The following PCSK5 variants were observed in gnomAD, a reference collection of about 807,000 sequenced individuals.
PCSK5 encodes proprotein convertase subtilisin/kexin type 5, also known as prohormone convertase 5.
In PCSK5, 129 loss-of-function variants were observed where a neutral mutation model predicts 233.2. The observed-to-expected ratio is 0.55, with a 90% confidence interval of 0.48 to 0.64. The LOEUF (loss-of-function observed/expected upper bound fraction) is 0.64. Ranked by LOEUF, PCSK5 falls within the 30% of genes least tolerant of loss-of-function variation. The pLI is 0.00. For synonymous variants in PCSK5, 825 were observed against 879.2 expected (o/e 0.94, Z 1.09); for missense variants, 2,076 against 2,430.1 (o/e 0.85, Z 3.06).
In PCSK5 at chr9:76,027,167, G is replaced by A. The variant is rs186336402; in HGVS notation, c.632+130G>A. ...TGCTAATTTGCTCCAAGATTAACAA[G>A]TGTCTTTCCACTGAAGCCTCTGAGT... On this transcript the variant is annotated intron_variant, in intron 5 of 37. Coordinates refer to ENST00000674117, the MANE Select transcript of PCSK5 (RefSeq NM_001372043.1). 58 of 595,262 alleles carry A rather than the reference G, an allele frequency of 9.7e-5. No homozygotes were observed. In the Admixed American group the frequency reaches 1.6e-3, roughly 16 times the overall value. 36.9% of individuals were successfully genotyped at this position (595,262 alleles called of 1,614,324 possible).
chr9:76,083,413 C>T (rs951356730), intron 7 of PCSK5, among the ~76,000 whole-genome samples: 4 of 152,142 alleles, frequency 2.6e-5, no homozygotes, highest in African/African-American at 4.8e-5. Flanking sequence ...TGAGTTTCTT[C>T]GGCTTTAGTA....
chr9:75,961,561 AC>A (rs778021829), intron 2 of PCSK5, among the ~76,000 whole-genome samples: 5 of 151,634 alleles, frequency 3.3e-5, no homozygotes, highest in Non-Finnish European at 5.9e-5. Context: ...TACAACTGAC[AC>A]TTGACTTATT....
chr9:76,007,968 C>G (rs1441270494), intron 3 of PCSK5, among the ~76,000 whole-genome samples: 2 of 151,968 alleles, frequency 1.3e-5, no homozygotes, highest in Admixed American at 6.6e-5. Flanking sequence ...TCAACGGGTT[C>G]CCCTTCTAAT....
intron 25 of PCSK5, among the ~76,000 whole-genome samples, chr9:76,294,378 G>T (rs897417541): frequency 6.6e-6 from 1 of 152,144 alleles, no homozygotes; most frequent in South Asian, 2.1e-4. Flanking sequence ...AACAGATAAC[G>T]TACATAAAAA....
At chr9:75,928,503 T>G (rs1476703523) in intron 1 of PCSK5, among the ~76,000 whole-genome samples, 1 of 150,488 alleles carries the variant, frequency 6.6e-6, no homozygotes, top group Non-Finnish European at 1.5e-5. Flanking sequence ...AGCATGTTGG[T>G]GCTTGTTGAA....
intron 30 of PCSK5, among the ~76,000 whole-genome samples, chr9:76,318,944 C>T (rs903826312): frequency 4.1e-4 from 63 of 152,194 alleles, no homozygotes; most frequent in African/African-American, 1.5e-3. Flanking sequence ...CTAAACTATA[C>T]ACAAATTAAC....
intron 10 of PCSK5, among the ~76,000 whole-genome samples, chr9:76,152,352 A>G (rs1445384685): frequency 6.6e-6 from 1 of 152,192 alleles, no homozygotes; most frequent in Non-Finnish European, 1.5e-5. Flanking sequence ...CTGGGCTTTT[A>G]CATTAAATAC....
intron 33 of PCSK5, among the ~76,000 whole-genome samples, chr9:76,330,164 G>T (rs112036595): frequency 2.0e-5 from 3 of 152,256 alleles, no homozygotes; most frequent in African/African-American, 7.2e-5. Flanking sequence ...ATTTAGCATG[G>T]TTGATTAAGA....
chr9:76,295,611 C>A (rs1001065941), intron 26 of PCSK5, among the ~76,000 whole-genome samples, 200 bp downstream of exon 26: 48 of 152,152 alleles, frequency 3.2e-4, no homozygotes, highest in African/African-American at 1.1e-3. Flanking sequence ...AAGCATGGTT[C>A]CTGTTCCACT....
intron 11 of PCSK5, among the ~76,000 whole-genome samples, chr9:76,158,425 G>A (rs1822700545): frequency 6.6e-6 from 1 of 152,172 alleles, no homozygotes; most frequent in African/African-American, 2.4e-5. Context: ...TGCCATTGTG[G>A]CTGCAGCCTA....
intron 24 of PCSK5, among the ~76,000 whole-genome samples, chr9:76,253,689 G>A (rs775068739): frequency 1.3e-5 from 2 of 152,176 alleles, no homozygotes; most frequent in Non-Finnish European, 2.9e-5. Context: ...CAGGCTACAC[G>A]CTTAATGTAC....
At chr9:75,929,373 G>A (rs145437148) in intron 1 of PCSK5, among the ~76,000 whole-genome samples, 4 of 152,318 alleles carry the variant, frequency 2.6e-5, no homozygotes, top group African/African-American at 7.2e-5. Context: ...GGCTGATGGG[G>A]ACACAGGCAT....
intron 24 of PCSK5, among the ~76,000 whole-genome samples, chr9:76,263,948 A>C (rs1309477864): frequency 2.6e-5 from 4 of 152,154 alleles, no homozygotes; most frequent in Non-Finnish European, 5.9e-5. Flanking sequence ...CAGAAGTAGC[A>C]GAAACTATTC....
intron 12 of PCSK5, among the ~76,000 whole-genome samples, chr9:76,166,768 A>G (rs189120474): frequency 6.6e-6 from 1 of 152,302 alleles, no homozygotes; most frequent in Admixed American, 6.5e-5. Flanking sequence ...TGTGGGACTT[A>G]AGGAAGGAAG....
chr9:76,146,044 T>C (rs1213984486), intron 10 of PCSK5, among the ~76,000 whole-genome samples: 1 of 152,148 alleles, frequency 6.6e-6, no homozygotes, highest in African/African-American at 2.4e-5. Context: ...TTTTTTTTTT[T>C]CTTAGAATCT....
intron 15 of PCSK5, among the ~76,000 whole-genome samples, chr9:76,180,600 C>G (rs980316825): frequency 6.6e-6 from 1 of 151,940 alleles, no homozygotes; most frequent in Admixed American, 6.6e-5. Flanking sequence ...CTCCCCTTGT[C>G]TCCCACAGCC....
At chr9:76,049,390 A>G (rs1052532257) in intron 5 of PCSK5, among the ~76,000 whole-genome samples, 1 of 152,268 alleles carries the variant, frequency 6.6e-6, no homozygotes, top group Admixed American at 6.5e-5. Context: ...TAATGTTGAT[A>G]GTCTCCCAAT....
At chr9:76,016,511 A>G (rs966881931) in intron 3 of PCSK5, among the ~76,000 whole-genome samples, 9 of 152,214 alleles carry the variant, frequency 5.9e-5, no homozygotes, top group Admixed American at 1.3e-4. Flanking sequence ...AGAGAGTTAT[A>G]CATATAAAAG....
intron 14 of PCSK5, among the ~76,000 whole-genome samples, chr9:76,178,611 A>G (rs555208718): frequency 1.3e-5 from 2 of 152,328 alleles, no homozygotes; most frequent in South Asian, 4.2e-4. Context: ...TAATGACTCA[A>G]AGAAACCAAG....
Sources: allele counts gnomAD v4.1 joint callset (sites outside exome capture counted in the v4.1 genomes callset), GRCh38; gene constraint gnomAD v4.1.1; transcripts MANE v1.5; gene names NCBI Gene and HGNC (gene_info 2026-07-23, HGNC 2026-07-21).